RIN3: variants seen among roughly 807,000 people sequenced by gnomAD.
The protein encoded by RIN3 is Ras and Rab interactor 3, also known as RAB5 interacting protein 3.
RIN3 carries 54 observed loss-of-function variants against 76.3 expected under a neutral mutation model. The observed-to-expected ratio is 0.71, with a 90% CI of 0.57 to 0.89. The LOEUF (loss-of-function observed/expected upper bound fraction) is 0.89, where lower values mean the gene tolerates loss of function less well. Among genes scored for constraint, RIN3 ranks in the 40% least tolerant of loss-of-function variants. RIN3 has a pLI of 0.00. For synonymous variants in RIN3, 576 were observed against 564.0 expected (o/e 1.02, Z -0.30); for missense variants, 1,256 against 1,322.1 (o/e 0.95, Z 0.78).
intron 2 of RIN3, among the ~76,000 whole-genome samples, chr14:92,566,920 C>T (rs1897929651): frequency 6.6e-6 from 1 of 152,154 alleles, no homozygotes; most frequent in South Asian, 2.1e-4. Context: ...GGAGCTGTTG[C>T]AGGTATCTAA....
intron 1 of RIN3, chr14:92,515,226 T>G (rs1404453032): frequency 1.4e-6 from 1 of 700,250 alleles, no homozygotes; most frequent in South Asian, 1.5e-5. Flanking sequence ...ACAAATACCA[T>G]CCGGTGGGAA....
chr14:92,655,430 G>A (rs1488107352), intron 6 of RIN3, among the ~76,000 whole-genome samples: 2 of 152,260 alleles, frequency 1.3e-5, no homozygotes, highest in African/African-American at 4.8e-5. Flanking sequence ...ACATTAGTGA[G>A]TGCATGTGGA....
chr14:92,577,273 T>G (rs909421383), intron 2 of RIN3, 87 bp from the exon 3 acceptor site: 5 of 846,196 alleles, frequency 5.9e-6, no homozygotes, highest in Non-Finnish European at 9.8e-6. Context: ...TCAGGAACCT[T>G]CCAGATGACT....
At chr14:92,515,408 A>AGT in intron 1 of RIN3, 1 of 550,288 alleles carries the variant, frequency 1.8e-6, no homozygotes, top group South Asian at 2.3e-5. Flanking sequence ...GAGATGACCT[A>AGT]GTGTGATCCA....
At chr14:92,661,760 A>ACACACACACACACACACACACACACAC (rs1419895576) in intron 7 of RIN3, among the ~76,000 whole-genome samples, 1 of 127,976 alleles carries the variant, frequency 7.8e-6, no homozygotes, top group African/African-American at 3.1e-5. Flanking sequence ...CACACACACA[A>ACACACACACACACACACACACACACAC]AAAATAGAAT....
At position 92,547,679 on chromosome 14, in the gene RIN3, A is replaced by G. The variant is rs1389631673; in HGVS notation, c.45-8072A>G. Among the ~76,000 whole-genome samples, 5 of 150,440 alleles carry G rather than the reference A, an allele frequency of 3.3e-5. No individual in the cohort carries two copies. The East Asian group carries it at 9.9e-4, about 30-fold the overall frequency. On this transcript the variant is annotated intron_variant, in intron 1 of 9. Transcript: ENST00000216487. ...TCAAAGTGCTGAGATTGCAGGTGTG[A>G]ATCACTGTGCCTGGCCTATTTAAGA...
chr14:92,572,141 T>C (rs1416885899), intron 2 of RIN3, among the ~76,000 whole-genome samples: 1 of 152,238 alleles, frequency 6.6e-6, no homozygotes. Flanking sequence ...TGTGTTAGCA[T>C]GCTTCCAGGG....
chr14:92,521,858 G>A (rs1896605803), intron 1 of RIN3, among the ~76,000 whole-genome samples: 1 of 152,242 alleles, frequency 6.6e-6, no homozygotes, highest in South Asian at 2.1e-4. Flanking sequence ...AGTTGGCTGT[G>A]CAGAGTGAGT....
At chr14:92,626,313 T>TC (rs1886352198) in intron 4 of RIN3, among the ~76,000 whole-genome samples, 1 of 152,118 alleles carries the variant, frequency 6.6e-6, no homozygotes, top group Non-Finnish European at 1.5e-5. Flanking sequence ...CCCCCTTTCT[T>TC]CCCCTGAGAA....
chr14:92,685,261 C>T lies in RIN3; in HGVS notation c.2631+111C>T, dbSNP rs1242558167. Reference sequence around the variant, plus strand: ...ACCTGGCTGCTCCAGCCGCCCAGCCCTGCCTTAGGGGAGCAGTGAGACTCC... The same window carrying T: ...ACCTGGCTGCTCCAGCCGCCCAGCCTTGCCTTAGGGGAGCAGTGAGACTCC... On this transcript the variant is annotated intron_variant, in intron 9 of 9. Transcript: ENST00000216487. The surrounding 1 kb of genome is among the most constrained non-coding windows in gnomAD (Gnocchi z 4.7). The T allele has an allele frequency of 8.3e-7, 1 of 1,208,688 alleles. No homozygotes were observed. The highest frequency in any genetic ancestry group is 2.5e-5 in the Admixed American group (1 of 40,320). The allele number at this position is 1,208,688 out of a possible 1,614,324, so 74.9% of individuals were successfully genotyped here.
At chr14:92,577,215 C>T (rs1324714154) in intron 2 of RIN3, 145 bp from the exon 3 acceptor site, 2 of 599,930 alleles carry the variant, frequency 3.3e-6, no homozygotes, top group South Asian at 1.8e-5. Context: ...GGGCAGAACC[C>T]CCAGTGTCCC....
intron 3 of RIN3, 34 bp from the exon 4 acceptor site, chr14:92,615,373 C>CA: frequency 3.1e-6 from 5 of 1,594,878 alleles, no homozygotes; most frequent in Non-Finnish European, 4.3e-6. Flanking sequence ...GCAGGATACT[C>CA]ACCTCACCCA....
rs999980088 is a variant in RIN3 at position 92,623,601 on chromosome 14, G to A, written c.440+8122G>A. On this transcript the variant is annotated intron_variant, in intron 4 of 9. Coordinates refer to ENST00000216487, the MANE Select transcript of RIN3 (RefSeq NM_024832.5). The surrounding 1 kb of genome is among the most constrained non-coding windows in gnomAD (Gnocchi z 4.9). ...CCTTGAGGGGCCTCTCTTGTTTTACGGCGTTGTGGTTTCTTTTTTTCTGGT... is the reference window on the plus strand; with the variant it reads ...CCTTGAGGGGCCTCTCTTGTTTTACAGCGTTGTGGTTTCTTTTTTTCTGGT... 1.3e-5 allele frequency among the ~76,000 whole-genome samples: 2 copies of A among 152,084 alleles called. No individual in the cohort carries two copies. The highest frequency in any genetic ancestry group is 2.4e-5 in the African/African-American group (1 of 41,384).
chr14:92,611,105 G>T (rs1156697643), intron 3 of RIN3, among the ~76,000 whole-genome samples: 1 of 152,164 alleles, frequency 6.6e-6, no homozygotes, highest in Non-Finnish European at 1.5e-5. Flanking sequence ...AAATCAAGGC[G>T]TGGACAGGCT....
At chr14:92,582,672 C>T (rs933186987) in intron 3 of RIN3, among the ~76,000 whole-genome samples, 1 of 152,072 alleles carries the variant, frequency 6.6e-6, no homozygotes, top group Non-Finnish European at 1.5e-5. Flanking sequence ...AGGCTGGTCT[C>T]GAACTCCTGA....
chr14:92,537,634 CTTTTTTTTTTTT>C lies in RIN3; in HGVS notation c.45-18101_45-18090del, dbSNP rs576683908. 1.9e-4 allele frequency among the ~76,000 whole-genome samples: 10 copies of C among 51,636 alleles called. No individual in the cohort carries two copies. The South Asian group carries it at 7.7e-3, about 40-fold the overall frequency. The allele number at this position is 51,636 out of a possible 152,430, so 33.9% of individuals were successfully genotyped here. ...CAGCTATAAGTGAGTGCCTTAGGGA[CTTTTTTTTTTTT>C]TTTTTTTTTTTTTTTGGAGACAGAG... On this transcript the variant is annotated intron_variant, in intron 1 of 9. Coordinates refer to ENST00000216487, the MANE Select transcript of RIN3 (RefSeq NM_024832.5).
intron 4 of RIN3, among the ~76,000 whole-genome samples, chr14:92,635,976 GAGTT>G (rs1886760852): frequency 3.3e-5 from 5 of 152,206 alleles, no homozygotes; most frequent in African/African-American, 1.2e-4. Context: ...AGTAGTCTAG[GAGTT>G]ACAAGCCTGA....
intron 3 of RIN3, among the ~76,000 whole-genome samples, chr14:92,614,614 C>T (rs968665331): frequency 1.3e-5 from 2 of 151,788 alleles, no homozygotes; most frequent in African/African-American, 4.8e-5. Flanking sequence ...ATCATGGGGG[C>T]GGTTTCCCCC....
intron 3 of RIN3, among the ~76,000 whole-genome samples, chr14:92,613,631 G>A (rs970368558): frequency 2.0e-5 from 3 of 152,114 alleles, no homozygotes; most frequent in Admixed American, 6.5e-5. Context: ...AAACAGGTCC[G>A]CAAACTGATG....
Sources: gnomAD v4.1 joint callset for allele counts (sites outside exome capture counted in the v4.1 genomes callset) on GRCh38, gnomAD v4.1.1 for gene constraint, Gnocchi (gnomAD v3.1) non-coding constraint, MANE v1.5 for transcripts, NCBI Gene and HGNC (gene_info 2026-07-23, HGNC 2026-07-21) for gene names.